ST6GALNAC6: variants seen among roughly 807,000 people sequenced by gnomAD.
The protein encoded by ST6GALNAC6 is alpha-N-acetylgalactosaminide alpha-2,6-sialyltransferase 6.
In ST6GALNAC6, 19 loss-of-function variants were observed where a neutral mutation model predicts 34.3. That is an observed-to-expected ratio of 0.55 (90% CI 0.39 to 0.81). ST6GALNAC6 has a LOEUF of 0.81. Among genes scored for constraint, ST6GALNAC6 ranks in the 40% least tolerant of loss-of-function variants. ST6GALNAC6 has a pLI of 0.00. For synonymous variants in ST6GALNAC6, 185 were observed against 182.1 expected, an observed-to-expected ratio of 1.02 and a Z score of -0.13; for missense variants, 377 against 467.7, an observed-to-expected ratio of 0.81 and a Z score of 1.79.
upstream of ST6GALNAC6, chr9:127,905,368 C>T (rs1830890535): frequency 1.0e-6 from 1 of 985,508 alleles, no homozygotes; most frequent in African/African-American, 1.7e-5. Context: ...CAGGTCACCA[C>T]CCCCAGAAAG....
intron 5 of ST6GALNAC6, among the ~76,000 whole-genome samples, chr9:127,889,416 C>T (rs555646333): frequency 6.1e-5 from 9 of 148,436 alleles, no homozygotes; most frequent in Admixed American, 3.4e-4. Context: ...ACAGGATCAA[C>T]ACACAAAAAT....
In ST6GALNAC6 at chr9:127,886,641, G is replaced by A. The variant is rs1332270171; in HGVS notation, c.960C>T (p.Ala320=). 1 of 1,613,886 alleles carries A rather than the reference G, an allele frequency of 6.2e-7. No homozygotes were observed. The highest frequency in any genetic ancestry group is 1.1e-5 in the South Asian group (1 of 91,058). ...GGGAGAAGGTGATGCCATACAGCTG[G>A]GCCCACGATGAGAAGACCCTTTTCT... is the stretch of plus-strand genomic sequence containing the variant. The part of the protein sequence containing the change: ...ITEKRVFSSW[A]QLYGITFSHP... Residue 320 remains alanine (A), a synonymous_variant, in exon 7 of 7, where the codon GCC becomes GCT. Coordinates refer to ENST00000373146, the MANE Select transcript of ST6GALNAC6 (RefSeq NM_013443.5).
intron 3 of ST6GALNAC6, among the ~76,000 whole-genome samples, chr9:127,895,984 T>C (rs573095955): frequency 6.6e-6 from 1 of 152,330 alleles, no homozygotes; most frequent in African/African-American, 2.4e-5. Context: ...CGGCTAGTCC[T>C]TGACCATCAC....
chr9:127,903,019 AT>A (rs1830814625), upstream of ST6GALNAC6: 1 of 74,688 alleles, frequency 1.3e-5, no homozygotes, highest in African/African-American at 5.5e-5. Context: ...TTTTTTGGAG[AT>A]GGAGTCTTAC....
chr9:127,886,374 G>A lies in ST6GALNAC6; in HGVS notation c.*225C>T. Reference sequence around the variant, plus strand: ...GATTGACTGTGCGCAGACCCTGACTGCACAAGAAAGACACCCCTGATTAAC... The same window carrying A: ...GATTGACTGTGCGCAGACCCTGACTACACAAGAAAGACACCCCTGATTAAC... On this transcript the variant is annotated 3_prime_UTR_variant, in exon 7 of 7. Coordinates refer to ENST00000373146, the MANE Select transcript of ST6GALNAC6 (RefSeq NM_013443.5). 7.4e-7 allele frequency: 1 copy of A among 1,350,632 alleles called. No homozygotes were observed. Among genetic ancestry groups the A allele is most frequent in the Non-Finnish European group, 9.8e-7 (1 of 1,022,378 alleles). The allele number at this position is 1,350,632 out of a possible 1,614,324, so 83.7% of individuals were successfully genotyped here. A position where few individuals can be genotyped will look rare whatever the true frequency, so the allele number is the denominator to read the frequency against.
chr9:127,906,585 C>T (rs983447013), upstream of ST6GALNAC6, among the ~76,000 whole-genome samples: 11 of 152,310 alleles, frequency 7.2e-5, no homozygotes, highest in African/African-American at 2.2e-4. Flanking sequence ...ATCTGTAAAA[C>T]CAGCTAGCAC....
At position 127,890,872 on chromosome 9, in the gene ST6GALNAC6, C is replaced by A; in HGVS notation, c.469G>T (p.Ala157Ser). The A allele has an allele frequency of 6.2e-7, 1 of 1,614,152 alleles. No homozygotes were observed. ...VGNKTTYRVV[A>S]HSSVFRVLRR... ...AGCACGCGGAACACACTGGAATGGG[C>A]CACGACGCGGTAGGTGGTCTTGTTG... Residue 157 changes from alanine to serine, a missense_variant, in exon 5 of 7, where the codon GCC becomes TCC. Coordinates refer to ENST00000373146, the MANE Select transcript of ST6GALNAC6 (RefSeq NM_013443.5). This position sits in a 1 kb window ranked among gnomAD's most constrained non-coding sequence, Gnocchi z 4.3.
chr9:127,899,607 G>A, upstream of ST6GALNAC6: 2 of 982,070 alleles, frequency 2.0e-6, no homozygotes, highest in Non-Finnish European at 2.4e-6. Flanking sequence ...AGGCCTCGCC[G>A]CACCCGCGGC....
rs371738264 is a variant in ST6GALNAC6, at chr9:127,894,570, G to A, written c.239C>T (p.Pro80Leu). The A allele has an allele frequency of 1.4e-5, 22 of 1,614,072 alleles. No homozygotes were observed. The Middle Eastern group carries it at 8.2e-4, about 60-fold the overall frequency. The change falls in exon 4 of 7, where the codon CCT becomes CTT. Residue 80 changes from proline to leucine, a missense_variant. Pro to Leu is a moderately conservative substitution (Grantham distance 98). Coordinates refer to ENST00000373146, the MANE Select transcript of ST6GALNAC6 (RefSeq NM_013443.5). ...GATGCTCCACTTCTTGAGGTTGACA[G>A]GTCGGCGGCTACGGCCCCGCAGGGA... ...YGSLRGRSRR[P>L]VNLKKWSITD...
chr9:127,897,957 G>A lies in ST6GALNAC6; in HGVS notation c.25C>T (p.Gln9Ter). Residue 9 changes from glutamine (Q) to a stop codon, truncating the protein, a stop_gained and splice_region_variant, in exon 2 of 7, where the codon CAG (glutamine) becomes TAG (stop). Coordinates refer to ENST00000373146, the MANE Select transcript of ST6GALNAC6 (RefSeq NM_013443.5). LOFTEE classifies it high-confidence loss of function. MACSRPPS[Q>*]CEPTSLPPGP... The stretch of plus-strand genomic sequence containing the variant: ...GCGAATCCCGGTTTCACCACTTACT[G>A]GCTGGGGGGCCTCGAGCAAGCCATG... The A allele has an allele frequency of 6.2e-7, 1 of 1,609,932 alleles. No homozygotes were observed. The highest frequency in any genetic ancestry group is 1.1e-5 in the South Asian group (1 of 90,568).
intron 4 of ST6GALNAC6, 76 bp downstream of exon 4, chr9:127,894,436 T>C (rs1276247433): frequency 2.6e-6 from 4 of 1,548,270 alleles, no homozygotes; most frequent in Non-Finnish European, 2.6e-6. Context: ...GGTCCACCTT[T>C]CCTTTAGGAA....
chr9:127,888,103 T>G (rs975679414), intron 5 of ST6GALNAC6, among the ~76,000 whole-genome samples: 1 of 152,124 alleles, frequency 6.6e-6, no homozygotes, highest in Non-Finnish European at 1.5e-5. Context: ...CTGCATTTCT[T>G]AGGTAGTATG....
upstream of ST6GALNAC6, chr9:127,906,082 C>T (rs950092692): frequency 3.1e-6 from 3 of 963,784 alleles, no homozygotes; most frequent in Non-Finnish European, 3.7e-6. Context: ...AGGAGGAAGC[C>T]GGGCACAAAA....
Position 127,886,345 on chromosome 9 carries a change from C to T in ST6GALNAC6, c.*254G>A. 5 of 1,103,010 alleles carry T rather than the reference C, an allele frequency of 4.5e-6. No homozygotes were observed. The highest frequency in any genetic ancestry group is 6.2e-6 in the Non-Finnish European group (5 of 801,880). 68.3% of individuals were successfully genotyped at this position (1,103,010 alleles called of 1,614,324 possible). On this transcript the variant is annotated 3_prime_UTR_variant, in exon 7 of 7. Coordinates refer to ENST00000373146, the MANE Select transcript of ST6GALNAC6 (RefSeq NM_013443.5). ...GATTGACTCAGAAATACCCCCTCTA[C>T]CCTGATTGACTGTGCGCAGACCCTG... is the stretch of plus-strand genomic sequence containing the variant.
rs994003972 is a variant in ST6GALNAC6, at chr9:127,891,116, C to T, written c.298-73G>A. 80 of 1,520,584 alleles carry T rather than the reference C, an allele frequency of 5.3e-5. No individual in the cohort carries two copies. The South Asian group carries it at 8.3e-4, about 16-fold the overall frequency. The allele number at this position is 1,520,584 out of a possible 1,614,324, so 94.2% of individuals were successfully genotyped here. ...CCTGTGCTCCATACATCCAGGCCTC[C>T]AGGACCCAGGAATTGTTATGCCCAT... On this transcript the variant is annotated intron_variant, in intron 4 of 6. Transcript: ENST00000373146.
upstream of ST6GALNAC6, among the ~76,000 whole-genome samples, chr9:127,902,681 T>A (rs1417776693): frequency 1.3e-5 from 2 of 148,572 alleles, no homozygotes; most frequent in Non-Finnish European, 3.0e-5. Flanking sequence ...CTCTGCCTCC[T>A]GGGTTCAAGT....
intron 1 of ST6GALNAC6, chr9:127,905,034 C>CT (rs1830881430): frequency 5.0e-6 from 1 of 198,886 alleles, no homozygotes; most frequent in South Asian, 1.8e-4. Context: ...CACCTCTGGG[C>CT]TGTGAGGCTT....
At chr9:127,887,735 G>A (rs1443311698) in intron 5 of ST6GALNAC6, 144 bp from the exon 6 acceptor site, 6 of 661,346 alleles carry the variant, frequency 9.1e-6, no homozygotes, top group Non-Finnish European at 1.6e-5. Flanking sequence ...CCCAAGTCCA[G>A]CCTCGCTGAT....
intron 4 of ST6GALNAC6, among the ~76,000 whole-genome samples, chr9:127,893,593 T>G (rs1377481927): frequency 2.0e-5 from 3 of 152,194 alleles, no homozygotes; most frequent in Non-Finnish European, 4.4e-5. Flanking sequence ...CTCCCACTTT[T>G]CTGAGTGCTA....
Sources: allele counts gnomAD v4.1 joint callset (sites outside exome capture counted in the v4.1 genomes callset), GRCh38; gene constraint gnomAD v4.1.1; non-coding constraint Gnocchi (gnomAD v3.1); transcripts MANE v1.5; gene names NCBI Gene and HGNC (gene_info 2026-07-23, HGNC 2026-07-21).